GIPC2: variants seen among roughly 807,000 people sequenced by gnomAD.
GIPC2 encodes the protein PDZ domain-containing protein GIPC2.
GIPC2 carries 30 observed loss-of-function variants against 30.6 expected under a neutral mutation model. The observed-to-expected ratio is 0.98, with a 90% CI of 0.73 to 1.33. GIPC2 has a LOEUF of 1.33. Among genes scored for constraint, GIPC2 ranks in the 40% most tolerant of loss-of-function variants. The pLI, the probability that GIPC2 is intolerant of heterozygous loss-of-function variation, is 0.00. For missense variants in GIPC2, 414 were observed against 390.3 expected (o/e 1.06, Z -0.51); for synonymous variants, 167 against 150.0 (o/e 1.11, Z -0.83).
intron 1 of GIPC2, among the ~76,000 whole-genome samples, chr1:78,073,338 A>G (rs1367098257): frequency 6.6e-6 from 1 of 152,076 alleles, no homozygotes; most frequent in Non-Finnish European, 1.5e-5. Context: ...TCCTGACCTC[A>G]AATGATCCAC....
At chr1:78,049,463 C>T (rs12123953) in intron 1 of GIPC2, among the ~76,000 whole-genome samples, 21,558 of 152,196 alleles carry the variant, frequency 0.14, 1,620 homozygotes, top group South Asian at 0.26. Flanking sequence ...ATGTAAATAA[C>T]TTTTGAGATG....
chr1:78,055,238 A>C (rs918584042), intron 1 of GIPC2, among the ~76,000 whole-genome samples: 1 of 152,096 alleles, frequency 6.6e-6, no homozygotes, highest in East Asian at 1.9e-4. Flanking sequence ...CACTAATCCT[A>C]TTCCTGAAGG....
intron 1 of GIPC2, among the ~76,000 whole-genome samples, chr1:78,076,597 A>G (rs1661721561): frequency 6.6e-6 from 1 of 152,122 alleles, no homozygotes. Context: ...ATCTGACAGA[A>G]GGCTGAACTC....
intron 2 of GIPC2, chr1:78,091,692 T>C: frequency 1.3e-6 from 1 of 773,572 alleles, no homozygotes; most frequent in Non-Finnish European, 2.4e-6. Flanking sequence ...TATAGTGTGA[T>C]GACCCTAGAA....
intron 3 of GIPC2, among the ~76,000 whole-genome samples, chr1:78,100,652 G>A (rs939726144): frequency 8.5e-5 from 13 of 152,114 alleles, no homozygotes; most frequent in East Asian, 5.8e-4. Context: ...CAAAAGGGCT[G>A]GGTGCGGTGG....
chr1:78,063,910 A>AG (rs1488364716), intron 1 of GIPC2, among the ~76,000 whole-genome samples: 1 of 152,004 alleles, frequency 6.6e-6, no homozygotes, highest in Non-Finnish European at 1.5e-5. Flanking sequence ...AAAAAAAAAA[A>AG]AAAAAAAAGA....
At chr1:78,131,857 G>A (rs1046808944) in intron 5 of GIPC2, among the ~76,000 whole-genome samples, 1 of 152,130 alleles carries the variant, frequency 6.6e-6, no homozygotes, top group Non-Finnish European at 1.5e-5. Flanking sequence ...GCAAATTACT[G>A]GTTTTTAAAA....
chr1:78,117,019 T>TG (rs397758953), intron 3 of GIPC2, among the ~76,000 whole-genome samples: 3 of 151,814 alleles, frequency 2.0e-5, no homozygotes, highest in East Asian at 3.9e-4. Context: ...CAGCACCTGT[T>TG]TCCTGACTTT....
chr1:78,051,247 GA>G (rs1220004384), intron 1 of GIPC2, among the ~76,000 whole-genome samples: 1 of 151,242 alleles, frequency 6.6e-6, no homozygotes, highest in Non-Finnish European at 1.5e-5. Context: ...GAATAACAAA[GA>G]AATATTATTA....
intron 4 of GIPC2, among the ~76,000 whole-genome samples, chr1:78,124,157 A>G (rs1455447829): frequency 6.6e-6 from 1 of 152,202 alleles, no homozygotes; most frequent in Admixed American, 6.5e-5. Context: ...TTCAGCTATG[A>G]TGCCATTTAA....
chr1:78,095,174 T>C, intron 3 of GIPC2, 42 bp downstream of exon 3: 1 of 1,377,766 alleles, frequency 7.3e-7, no homozygotes, highest in Non-Finnish European at 1.0e-6. Flanking sequence ...AATGTTTGCT[T>C]TCCCTGGTTT....
chr1:78,129,197 T>G (rs1214925119), intron 5 of GIPC2, among the ~76,000 whole-genome samples: 1 of 152,182 alleles, frequency 6.6e-6, no homozygotes, highest in African/African-American at 2.4e-5. Flanking sequence ...TACACATGAT[T>G]AGCAATGTAA....
intron 3 of GIPC2, among the ~76,000 whole-genome samples, chr1:78,106,155 A>G (rs1047287926): frequency 2.6e-5 from 4 of 151,466 alleles, no homozygotes; most frequent in Non-Finnish European, 5.9e-5. Context: ...GAATCGCTTG[A>G]ACCTGGGAGG....
rs562259044 is a variant in GIPC2 at position 78,062,640 on chromosome 1, C to T, written c.240+16306C>T. 8.6e-5 allele frequency among the ~76,000 whole-genome samples: 13 copies of T among 151,298 alleles called. No homozygotes were observed. The East Asian group carries it at 9.7e-4, about 11-fold the overall frequency. ...CTGTCACCTCAGCCTCCTAAGTAGC[C>T]GGGACCACAGGCGTGCCACAGTGCC... is the stretch of plus-strand genomic sequence containing the variant. On this transcript the variant is annotated intron_variant, in intron 1 of 5. Coordinates refer to ENST00000370759, the MANE Select transcript of GIPC2 (RefSeq NM_017655.6).
chr1:78,059,490 C>T (rs188649205), intron 1 of GIPC2, among the ~76,000 whole-genome samples: 34 of 152,298 alleles, frequency 2.2e-4, no homozygotes, highest in Non-Finnish European at 4.3e-4. Context: ...TGCCTGTAAT[C>T]CAAGTACTTT....
chr1:78,101,067 AT>A (rs148875676), intron 3 of GIPC2, among the ~76,000 whole-genome samples: 2,301 of 152,172 alleles, frequency 0.015, 67 homozygotes, highest in African/African-American at 0.053. Flanking sequence ...CGCAGAAGCT[AT>A]GGAAATAGAT....
intron 3 of GIPC2, among the ~76,000 whole-genome samples, chr1:78,096,132 G>A (rs1662133229): frequency 6.6e-6 from 1 of 152,152 alleles, no homozygotes. Context: ...TCCAGAAGGT[G>A]TAAGAAAAAG....
At chr1:78,125,787 T>C (rs1662769885) in intron 4 of GIPC2, 94 bp from the exon 5 acceptor site, 15 of 688,764 alleles carry the variant, frequency 2.2e-5, no homozygotes, top group Middle Eastern at 2.5e-4. Context: ...TACACAATTA[T>C]GAACCGGCTC....
At chr1:78,060,410 A>G (rs1434592792) in intron 1 of GIPC2, among the ~76,000 whole-genome samples, 1 of 152,006 alleles carries the variant, frequency 6.6e-6, no homozygotes, top group African/African-American at 2.4e-5. Context: ...CTCCCAAAGT[A>G]CTGGGATTAT....
Sources: allele counts gnomAD v4.1 joint callset (sites outside exome capture counted in the v4.1 genomes callset), GRCh38; gene constraint gnomAD v4.1.1; transcripts MANE v1.5; gene names NCBI Gene and HGNC (gene_info 2026-07-23, HGNC 2026-07-21).